Variants in PHACTR3 observed in about 807,000 individuals in gnomAD.
PHACTR3 encodes the protein phosphatase and actin regulator 3.
A neutral mutation model predicts 66.8 loss-of-function variants in PHACTR3; 16 were observed. That is an observed-to-expected ratio of 0.24 (90% CI 0.16 to 0.36). The LOEUF (loss-of-function observed/expected upper bound fraction) is 0.36, where lower values mean the gene tolerates loss of function less well. Ranked by LOEUF, PHACTR3 falls within the 10% of genes least tolerant of loss-of-function variation. The pLI, the probability that PHACTR3 is intolerant of heterozygous loss-of-function variation, is 1.00. For synonymous variants in PHACTR3, 323 were observed against 292.1 expected (o/e 1.11, Z -1.08); for missense variants, 647 against 719.9 (o/e 0.90, Z 1.16).
chr20:59,636,761 G>C (rs2034914037), intron 1 of PHACTR3, among the ~76,000 whole-genome samples: 1 of 152,146 alleles, frequency 6.6e-6, no homozygotes, highest in South Asian at 2.1e-4. Context: ...GCTGTTTTCT[G>C]TACTATTAGC....
chr20:59,700,310 C>T (rs1397306202), intron 1 of PHACTR3, among the ~76,000 whole-genome samples: 2 of 152,168 alleles, frequency 1.3e-5, no homozygotes, highest in South Asian at 2.1e-4. Context: ...AAACATTCAT[C>T]GATGAATCAG....
At chr20:59,614,635 G>C (rs1419132771) in intron 1 of PHACTR3, among the ~76,000 whole-genome samples, 3 of 152,162 alleles carry the variant, frequency 2.0e-5, no homozygotes, top group Admixed American at 6.5e-5. Flanking sequence ...CTATGCTCCT[G>C]TTTGTAATAC....
chr20:59,670,864 C>T (rs986930368), intron 1 of PHACTR3, among the ~76,000 whole-genome samples: 3 of 152,220 alleles, frequency 2.0e-5, no homozygotes, highest in Admixed American at 6.5e-5. Flanking sequence ...CTTATTCCCA[C>T]TCTCACTGCC....
chr20:59,644,447 TC>T (rs1255177295), intron 1 of PHACTR3, among the ~76,000 whole-genome samples: 1 of 152,184 alleles, frequency 6.6e-6, no homozygotes, highest in Non-Finnish European at 1.5e-5. Context: ...GTCCTTGTCC[TC>T]CCTCATTCGC....
chr20:59,708,348 G>T (rs1479588440), intron 1 of PHACTR3, among the ~76,000 whole-genome samples: 2 of 152,172 alleles, frequency 1.3e-5, no homozygotes, highest in Non-Finnish European at 2.9e-5. Flanking sequence ...AGTTCTCTGG[G>T]CACCAGCTGG....
chr20:59,652,389 A>T (rs192996990), intron 1 of PHACTR3, among the ~76,000 whole-genome samples: 25 of 152,244 alleles, frequency 1.6e-4, no homozygotes, highest in Non-Finnish European at 3.4e-4. Flanking sequence ...GAAAAACAAA[A>T]GTAAAAAATT....
chr20:59,735,230 T>C (rs2038906643), intron 1 of PHACTR3, among the ~76,000 whole-genome samples: 1 of 152,140 alleles, frequency 6.6e-6, no homozygotes, highest in South Asian at 2.1e-4. Context: ...CATAAATACA[T>C]GAGCTTCATG....
At chr20:59,612,579 A>G (rs2033887243) in intron 1 of PHACTR3, among the ~76,000 whole-genome samples, 1 of 152,108 alleles carries the variant, frequency 6.6e-6, no homozygotes, top group Admixed American at 6.5e-5. Flanking sequence ...AGAGATGGGG[A>G]TTCACTATGC....
At chr20:59,601,543 C>T (rs1482666818), upstream of PHACTR3, among the ~76,000 whole-genome samples, 2 of 152,182 alleles carry the variant, frequency 1.3e-5, no homozygotes, top group African/African-American at 4.8e-5. Context: ...GGCTGGAAAC[C>T]CTCCTCCAAA....
At position 59,747,027 on chromosome 20, in the gene PHACTR3, G is replaced by A. The variant is rs180917727; in HGVS notation, c.281-731G>A. On this transcript the variant is annotated intron_variant, in intron 2 of 12. Transcript: ENST00000371015. ...CCTGTAGGCAAACAGTTTTCCTGAC[G>A]GAAGGAAGAAGATGATTGTGGAGCA... is the stretch of plus-strand genomic sequence containing the variant. 1.3e-3 allele frequency among the ~76,000 whole-genome samples: 193 copies of A among 152,328 alleles called. 1 individual carries two copies. Among genetic ancestry groups the A allele is most frequent in the Non-Finnish European group, 1.2e-3 (83 of 68,032 alleles).
chr20:59,594,115 A>T (rs1208544692), intron 1 of PHACTR3, among the ~76,000 whole-genome samples: 9 of 152,168 alleles, frequency 5.9e-5, no homozygotes, highest in Non-Finnish European at 1.3e-4. Context: ...ATGAACATGG[A>T]TTCTCTCTCC....
intron 1 of PHACTR3, among the ~76,000 whole-genome samples, chr20:59,715,683 A>G (rs564896143): frequency 6.6e-6 from 1 of 152,238 alleles, no homozygotes; most frequent in Non-Finnish European, 1.5e-5. Context: ...CTTGTGTAAG[A>G]CTGGTATTAT....
In PHACTR3 at chr20:59,645,857, G is replaced by A. The variant is rs193298941; in HGVS notation, c.118+40725G>A. ...CACATCATGAAAGCTTAATAAATAC[G>A]GCTAGAATTAATGAATGAGTTTCTT... On this transcript the variant is annotated intron_variant, in intron 1 of 12. Coordinates refer to ENST00000371015, the MANE Select transcript of PHACTR3 (RefSeq NM_080672.5). Among the ~76,000 whole-genome samples the A allele has an allele frequency of 5.9e-5, 9 of 152,192 alleles. No individual in the cohort carries two copies. In the East Asian group the frequency reaches 1.5e-3, roughly 26 times the overall value.
intron 8 of PHACTR3, among the ~76,000 whole-genome samples, chr20:59,827,518 G>T (rs1021168824): frequency 6.6e-6 from 1 of 152,134 alleles, no homozygotes; most frequent in Non-Finnish European, 1.5e-5. Context: ...AGGGCACAGC[G>T]GCCTGGCTAG....
At chr20:59,737,526 ATG>A (rs3042720) in intron 1 of PHACTR3, among the ~76,000 whole-genome samples, 12 of 150,152 alleles carry the variant, frequency 8.0e-5, no homozygotes, top group African/African-American at 2.9e-4. Flanking sequence ...GTGTGCGTGT[ATG>A]TGTGTGCGTG....
intron 1 of PHACTR3, among the ~76,000 whole-genome samples, chr20:59,706,800 A>G (rs1351825011): frequency 6.6e-6 from 1 of 152,136 alleles, no homozygotes; most frequent in East Asian, 1.9e-4. Flanking sequence ...CACAGCAGGG[A>G]AACCATGCCC....
intron 1 of PHACTR3, among the ~76,000 whole-genome samples, chr20:59,733,746 C>G (rs1223079021): frequency 6.6e-6 from 1 of 152,296 alleles, no homozygotes; most frequent in Non-Finnish European, 1.5e-5. Flanking sequence ...TTGTCCTCAT[C>G]TGTAATGTAG....
At chr20:59,821,042 C>T (rs1366049242) in intron 8 of PHACTR3, among the ~76,000 whole-genome samples, 1 of 152,184 alleles carries the variant, frequency 6.6e-6, no homozygotes, top group Non-Finnish European at 1.5e-5. Context: ...ACAACCATAG[C>T]TCACTAACAT....
At chr20:59,581,292 C>G (rs111905002) in intron 1 of PHACTR3, among the ~76,000 whole-genome samples, 2,461 of 152,310 alleles carry the variant, frequency 0.016, 77 homozygotes, top group African/African-American at 0.052. Context: ...CCCGGCAGCT[C>G]GAGAAGGCCC....
Sources: gnomAD v4.1 joint callset for allele counts (sites outside exome capture counted in the v4.1 genomes callset) on GRCh38, gnomAD v4.1.1 for gene constraint, MANE v1.5 for transcripts, NCBI Gene and HGNC (gene_info 2026-07-23, HGNC 2026-07-21) for gene names.